Variants in LILRB5 observed in about 807,000 individuals in gnomAD.
LILRB5 encodes leukocyte immunoglobulin-like receptor subfamily B member 5.
A neutral mutation model predicts 68.4 loss-of-function variants in LILRB5; 61 were observed. The observed-to-expected ratio is 0.89, with a 90% CI of 0.73 to 1.10. The LOEUF is 1.10. Among genes scored for constraint, LILRB5 ranks in the 50% least tolerant of loss-of-function variants. The probability of loss-of-function intolerance (pLI) is 0.00; values close to 1 mark genes in which losing one functional copy is unlikely to be tolerated. For synonymous variants in LILRB5, 356 were observed against 315.8 expected, an observed-to-expected ratio of 1.13 and a Z score of -1.35; for missense variants, 771 against 751.6, an observed-to-expected ratio of 1.03 and a Z score of -0.30.
chr19:54,253,560 T>C (rs2079026616), intron 8 of LILRB5: 1 of 381,368 alleles, frequency 2.6e-6, no homozygotes, highest in African/African-American at 2.1e-5. Context: ...CCAGGTCCCA[T>C]GATTTTGCTT....
intron 12 of LILRB5, 80 bp downstream of exon 12, chr19:54,251,974 G>C: frequency 7.2e-7 from 1 of 1,396,176 alleles, no homozygotes; most frequent in Non-Finnish European, 1.0e-6. Flanking sequence ...AGAGCCGGGG[G>C]AAGGAGGACA....
chr19:54,255,015 G>T lies in LILRB5; in HGVS notation c.975C>A (p.Ala325=). The T allele has an allele frequency of 1.2e-6, 2 of 1,610,570 alleles. No individual in the cohort carries two copies. Among genetic ancestry groups the T allele is most frequent in the East Asian group, 2.2e-5 (1 of 44,862 alleles). Residue 325 remains alanine (A), a synonymous_variant, in exon 6 of 13, where the codon GCC becomes GCA. Coordinates refer to ENST00000449561, the MANE Select transcript of LILRB5 (RefSeq NM_001081442.3). ...CCTTGGGGCCCGGCTGCACCGAGAG[G>T]GCGGGTATGTCAGGGATCAGTCCTG... ...LIAGLIPDIP[A]LSVQPGPKVA...
chr19:54,249,606 T>C lies in LILRB5; in HGVS notation c.*1180A>G, dbSNP rs974445084. On this transcript the variant is annotated 3_prime_UTR_variant, in exon 13 of 13. Transcript: ENST00000449561. The stretch of plus-strand genomic sequence containing the variant: ...GGGAGAATAGAATGAGGAGGGGGAA[T>C]GTCCTATCTATTGTAGGCGTCAGAA... 4 of 152,198 alleles carry C rather than the reference T, an allele frequency of 2.6e-5. No homozygotes were observed. The highest frequency in any genetic ancestry group is 1.3e-4 in the Admixed American group (2 of 15,276). The allele number at this position is 152,198 out of a possible 1,614,324, so 9.4% of individuals were successfully genotyped here. A position where few individuals can be genotyped will look rare whatever the true frequency, so the allele number is the denominator to read the frequency against.
chr19:54,252,654 G>T, intron 9 of LILRB5, 105 bp from the exon 10 acceptor site: 3 of 1,318,864 alleles, frequency 2.3e-6, no homozygotes, highest in Non-Finnish European at 1.1e-6. Context: ...CACTGGCACT[G>T]AGGCTTTAAA....
intron 5 of LILRB5, 98 bp downstream of exon 5, chr19:54,255,188 A>G (rs1569058068): frequency 4.2e-6 from 5 of 1,186,252 alleles, no homozygotes; most frequent in South Asian, 1.4e-5. Context: ...CTCCCTTGGG[A>G]CCACCCCCCC....
rs144707319 is a variant in LILRB5 at position 54,254,911 on chromosome 19, G to A, written c.1079C>T (p.Ala360Val). 8 of 1,613,928 alleles carry A rather than the reference G, an allele frequency of 5.0e-6. No homozygotes were observed. In the East Asian group the frequency reaches 6.7e-5, roughly 13 times the overall value. The change falls in exon 6 of 13, where the codon GCA becomes GTA. Residue 360 changes from alanine to valine, a missense_variant. Coordinates refer to ENST00000449561, the MANE Select transcript of LILRB5 (RefSeq NM_001081442.3). The part of the protein sequence containing the change: ...IDTFFLTKEG[A>V]AHPPLCLKSK... ...CTTTAGACACAGCGGGGGATGGGCT[G>A]CCCCCTCCTTGGTCAAAAAGAAAGT...
chr19:54,254,677 G>C (rs997384004), intron 6 of LILRB5, 58 bp downstream of exon 6: 1 of 1,595,208 alleles, frequency 6.3e-7, no homozygotes, highest in South Asian at 1.1e-5. Context: ...GAGCTCTCCT[G>C]GGGGCAGGGC....
Position 54,257,264 on chromosome 19 carries a change from C to G in LILRB5, c.-71G>C. 1 of 1,597,280 alleles carries G rather than the reference C, an allele frequency of 6.3e-7. No homozygotes were observed. The highest frequency in any genetic ancestry group is 1.3e-5 in the African/African-American group (1 of 74,724). ...CGGTGCCTGGCAGGACACAAAAACA[C>G]GCAGAGTGTGGACTGGAGGCTGGGT... On this transcript the variant is annotated 5_prime_UTR_variant, in exon 1 of 13. Transcript: ENST00000449561.
At chr19:54,257,110 G>A in intron 1 of LILRB5, 50 bp downstream of exon 1, 2 of 1,614,044 alleles carry the variant, frequency 1.2e-6, no homozygotes, top group Non-Finnish European at 1.7e-6. Context: ...TCGCTTTAGA[G>A]TGAGCTCCCT....
Position 54,250,905 on chromosome 19 carries a change from C to T in LILRB5, c.1657G>A (p.Val553Met). The T allele has an allele frequency of 6.2e-7, 1 of 1,604,622 alleles. No homozygotes were observed. The highest frequency in any genetic ancestry group is 8.5e-7 in the Non-Finnish European group (1 of 1,178,496). ...AAGCTGTGCAGCTGGGCGTAGGTCA[C>T]ATCCTGGGGGGCTTCAGATGCAGCA... The part of the protein sequence containing the change: ...PAAASEAPQD[V>M]TYAQLHSLTL... The change falls in exon 13 of 13, where the codon GTG (valine) becomes ATG (methionine). Residue 553 changes from valine (V) to methionine (M), a missense_variant. By Grantham distance (21) the Val-to-Met change is conservative (BLOSUM62 1). Coordinates refer to ENST00000449561, the MANE Select transcript of LILRB5 (RefSeq NM_001081442.3).
rs749446390 is a variant in LILRB5 at position 54,254,648 on chromosome 19, G to T, written c.1255+87C>A. 2 of 1,531,962 alleles carry T rather than the reference G, an allele frequency of 1.3e-6. 1 individual carries two copies. The highest frequency in any genetic ancestry group is 2.3e-5 in the South Asian group (2 of 87,950). 94.9% of individuals were successfully genotyped at this position (1,531,962 alleles called of 1,614,324 possible). A position where few individuals can be genotyped will look rare whatever the true frequency, so the allele number is the denominator to read the frequency against. On this transcript the variant is annotated intron_variant, in intron 6 of 12. Coordinates refer to ENST00000449561, the MANE Select transcript of LILRB5 (RefSeq NM_001081442.3). The stretch of plus-strand genomic sequence containing the variant: ...CCCCTCAAACCCTCCCCCCCGCACC[G>T]CGACTCCATCCCAGCCCAGAGCTCT...
At position 54,257,228 on chromosome 19, in the gene LILRB5, G is replaced by A. The variant is rs372226219; in HGVS notation, c.-35C>T. 20 of 1,614,010 alleles carry A rather than the reference G, an allele frequency of 1.2e-5. No individual in the cohort carries two copies. The highest frequency in any genetic ancestry group is 8.0e-5 in the African/African-American group (6 of 75,072). On this transcript the variant is annotated 5_prime_UTR_variant, in exon 1 of 13. Coordinates refer to ENST00000449561, the MANE Select transcript of LILRB5 (RefSeq NM_001081442.3). ...TCCCACTGGACTCAGCTGTGCAGGCGGATGAGACCACGGTGCCTGGCAGGA... is the reference window on the plus strand; with the variant it reads ...TCCCACTGGACTCAGCTGTGCAGGCAGATGAGACCACGGTGCCTGGCAGGA...
At chr19:54,255,698 G>C (rs991121486) in intron 4 of LILRB5, 116 bp from the exon 5 acceptor site, 1 of 1,263,478 alleles carries the variant, frequency 7.9e-7, no homozygotes, top group African/African-American at 1.5e-5. Flanking sequence ...CTGTGTCTCG[G>C]ATCCCGGGGC....
Position 54,255,483 on chromosome 19 carries a change from A to G in LILRB5, c.755T>C (p.Ile252Thr). ...TTCCCCCTCCTTGTACAGAACGAAT[A>G]TGTCATAGCCGACATCAGAGCGACA... ...LQCRSDVGYDIFVLYKEGEHD... is the reference protein window; with the variant it reads ...LQCRSDVGYDTFVLYKEGEHD... The change falls in exon 5 of 13, where the codon ATA becomes ACA. Residue 252 changes from isoleucine (I) to threonine (T), a missense_variant. Coordinates refer to ENST00000449561, the MANE Select transcript of LILRB5 (RefSeq NM_001081442.3). The G allele has an allele frequency of 6.2e-7, 1 of 1,613,424 alleles. No individual in the cohort carries two copies. The highest frequency in any genetic ancestry group is 1.3e-5 in the African/African-American group (1 of 74,988).
rs368544978 is a variant in LILRB5 at position 54,256,486 on chromosome 19, C to T, written c.355+3G>A. 8.7e-5 allele frequency: 140 copies of T among 1,613,790 alleles called. No individual in the cohort carries two copies. Among genetic ancestry groups the T allele is most frequent in the Non-Finnish European group, 1.2e-4 (136 of 1,179,952 alleles). On this transcript the variant is annotated splice_donor_region_variant and intron_variant, in intron 3 of 12. Transcript: ENST00000449561. ...GGGCTGGGACCCCTGAGTGTCCTCT[C>T]ACCTGTCGCCACCAGCTCCAGGGGG...
chr19:54,253,854 C>T (rs891612274), intron 8 of LILRB5, 164 bp downstream of exon 8: 5 of 1,499,700 alleles, frequency 3.3e-6, no homozygotes, highest in Non-Finnish European at 4.5e-6. Flanking sequence ...CCTGAAGAAT[C>T]CCATCAATGC....
rs758698425 is a variant in LILRB5 at position 54,255,543 on chromosome 19, G to A, written c.695C>T (p.Ser232Phe). Residue 232 changes from serine to phenylalanine, a missense_variant, in exon 5 of 13, where the codon TCT becomes TTT. Transcript: ENST00000449561. ...RKPSLLIPQG[S>F]VVARGGSLTL... ...CAGGCTGCCTCCGCGGGCCACGACA[G>A]AGCCCTGCGGGATCAGGAGGGAGGG... The A allele has an allele frequency of 8.1e-6, 13 of 1,613,948 alleles. No individual in the cohort carries two copies. The highest frequency in any genetic ancestry group is 1.1e-5 in the Non-Finnish European group (13 of 1,179,904).
intron 4 of LILRB5, 70 bp from the exon 5 acceptor site, chr19:54,255,652 C>T (rs1285573427): frequency 8.0e-6 from 12 of 1,492,642 alleles, no homozygotes; most frequent in Admixed American, 2.1e-5. Context: ...CCCGTCCTGG[C>T]GTCCTGGCCC....
intron 8 of LILRB5, chr19:54,253,736 C>G: frequency 8.7e-7 from 1 of 1,149,148 alleles, no homozygotes; most frequent in Non-Finnish European, 1.3e-6. Flanking sequence ...TGCACCTGAG[C>G]GGAGCCCCGG....
Sources: allele counts gnomAD v4.1 joint callset, GRCh38; gene constraint gnomAD v4.1.1; transcripts MANE v1.5; gene names NCBI Gene and HGNC (gene_info 2026-07-23, HGNC 2026-07-21).